The following B4GALT1 variants were observed in gnomAD, a reference collection of about 807,000 sequenced individuals.
B4GALT1 encodes beta-1,4-galactosyltransferase 1.
B4GALT1 carries 16 observed loss-of-function variants against 34.9 expected under a neutral mutation model. The observed-to-expected ratio is 0.46, with a 90% CI of 0.31 to 0.70. The LOEUF is 0.70. B4GALT1 is among the 30% of genes least tolerant of loss of function. The probability of loss-of-function intolerance (pLI) is 0.05; values close to 1 mark genes in which losing one functional copy is unlikely to be tolerated. For missense variants in B4GALT1, 445 were observed against 530.5 expected, an observed-to-expected ratio of 0.84 and a Z score of 1.58; for synonymous variants, 221 against 218.1, an observed-to-expected ratio of 1.01 and a Z score of -0.12.
intron 1 of B4GALT1, among the ~76,000 whole-genome samples, chr9:33,148,005 G>A (rs1393812496): frequency 6.6e-6 from 1 of 152,056 alleles, no homozygotes; most frequent in Non-Finnish European, 1.5e-5. Context: ...CTGCACTCCA[G>A]TCTGGGTGAC....
intron 1 of B4GALT1, among the ~76,000 whole-genome samples, chr9:33,157,120 C>CCACA (rs1554688656): frequency 3.2e-5 from 1 of 30,944 alleles, no homozygotes; most frequent in Non-Finnish European, 6.3e-5. Flanking sequence ...GCATAGGGAA[C>CCACA]TACACACACA....
At chr9:33,123,277 C>CAAAAAA (rs72342632) in intron 2 of B4GALT1, among the ~76,000 whole-genome samples, 1 of 85,708 alleles carries the variant, frequency 1.2e-5, no homozygotes, top group East Asian at 3.5e-4. Flanking sequence ...GACACTGTCT[C>CAAAAAA]AAAAAAAAAA....
At chr9:33,177,986 CTTTTT>C in the B4GALT1 span, among the ~76,000 whole-genome samples, 2 of 107,474 alleles carry the variant, frequency 1.9e-5, no homozygotes, top group Non-Finnish European at 1.8e-5. Context: ...AAACAGAAGA[CTTTTT>C]TTTTTTTTTT....
At chr9:33,118,589 G>A (rs1839974712) in intron 3 of B4GALT1, among the ~76,000 whole-genome samples, 1 of 151,898 alleles carries the variant, frequency 6.6e-6, no homozygotes. Context: ...AGGATCACTT[G>A]AGCCAGGGAG....
intron 1 of B4GALT1, among the ~76,000 whole-genome samples, chr9:33,139,012 G>A (rs151036289): frequency 1.7e-3 from 263 of 152,162 alleles, no homozygotes; most frequent in Non-Finnish European, 2.4e-3. Flanking sequence ...CCATGCCGGG[G>A]CTGTCCACAG....
intron 1 of B4GALT1, among the ~76,000 whole-genome samples, chr9:33,140,271 C>T (rs778140931): frequency 1.1e-4 from 16 of 152,268 alleles, no homozygotes; most frequent in Non-Finnish European, 2.1e-4. Context: ...TCGAAAGAAG[C>T]GTTGGCCTGA....
At chr9:33,114,807 A>G (rs1483936288) in intron 4 of B4GALT1, among the ~76,000 whole-genome samples, 1 of 152,018 alleles carries the variant, frequency 6.6e-6, no homozygotes, top group Non-Finnish European at 1.5e-5. Flanking sequence ...TGGTGCATAG[A>G]AAGTGTTAGG....
rs1478350455 is a variant in B4GALT1 at position 33,112,390 on chromosome 9, G to C, written c.*1064C>G. On this transcript the variant is annotated 3_prime_UTR_variant, in exon 6 of 6. Coordinates refer to ENST00000379731, the MANE Select transcript of B4GALT1 (RefSeq NM_001497.4). The stretch of plus-strand genomic sequence containing the variant: ...TAGGTGCAGAGGCTTCTGTCTCCCA[G>C]GTATCCTCCCCGAGGTCTGGCAGGA... The C allele has an allele frequency of 6.6e-6, 1 of 152,472 alleles. No individual in the cohort carries two copies. The highest frequency in any genetic ancestry group is 1.5e-5 in the Non-Finnish European group (1 of 68,046). The allele number at this position is 152,472 out of a possible 1,614,324, so 9.4% of individuals were successfully genotyped here.
chr9:33,113,458 C>T lies in B4GALT1; in HGVS notation c.1193G>A (p.Ser398Asn), dbSNP rs557408009. The T allele has an allele frequency of 6.2e-7, 1 of 1,614,204 alleles. No homozygotes were observed. Among genetic ancestry groups the T allele is most frequent in the Non-Finnish European group, 8.5e-7 (1 of 1,180,044 alleles). ...TCTTATCCGTGTACCAAAACGCTAG[C>T]TCGGTGTCCCGATGTCCACTGTGAT... ...TQITVDIGTPS is the reference protein window; with the variant it reads ...TQITVDIGTPN Residue 398 changes from serine to asparagine, a missense_variant, in exon 6 of 6, where the codon AGC becomes AAC. Ser to Asn is a conservative substitution (Grantham distance 46, BLOSUM62 1). This residue lies in a region of B4GALT1 where 89 missense variants were observed against 107.6 expected (regional missense o/e 0.83). Coordinates refer to ENST00000379731, the MANE Select transcript of B4GALT1 (RefSeq NM_001497.4).
At chr9:33,176,788 A>G in the B4GALT1 span, among the ~76,000 whole-genome samples, 6 of 152,146 alleles carry the variant, frequency 3.9e-5, no homozygotes, top group African/African-American at 1.4e-4. Flanking sequence ...AAACCTCAGC[A>G]TCATGCAATA....
intron 2 of B4GALT1, among the ~76,000 whole-genome samples, chr9:33,132,192 CT>C (rs2118138104): frequency 6.6e-6 from 1 of 150,848 alleles, no homozygotes; most frequent in South Asian, 2.1e-4. Flanking sequence ...AAAACCAAAA[CT>C]AAAATATTCC....
the B4GALT1 span, chr9:33,179,984 C>T: frequency 3.3e-5 from 5 of 152,264 alleles, no homozygotes; most frequent in East Asian, 5.8e-4. Flanking sequence ...TCCTTTTCCA[C>T]GTGATGGTCT....
At chr9:33,166,615 T>G in intron 1 of B4GALT1, 143 bp downstream of exon 1, 1 of 1,066,454 alleles carries the variant, frequency 9.4e-7, no homozygotes, top group Non-Finnish European at 1.3e-6. Context: ...GTCCCAAGCC[T>G]CTGTCTGGGA....
chr9:33,175,624 G>A, the B4GALT1 span, among the ~76,000 whole-genome samples: 1 of 152,118 alleles, frequency 6.6e-6, no homozygotes, highest in South Asian at 2.1e-4. Flanking sequence ...ATTTTACAGT[G>A]TATTATTACT....
At chr9:33,154,002 G>GGAGA (rs544104544) in intron 1 of B4GALT1, among the ~76,000 whole-genome samples, 4 of 126,972 alleles carry the variant, frequency 3.2e-5, no homozygotes, top group South Asian at 3.0e-4. Flanking sequence ...GGAGGGGAGG[G>GGAGA]GAGAGAGAGA....
intron 1 of B4GALT1, among the ~76,000 whole-genome samples, chr9:33,161,206 C>T (rs947235660): frequency 6.6e-6 from 1 of 152,142 alleles, no homozygotes; most frequent in Non-Finnish European, 1.5e-5. Flanking sequence ...AGGGAAGGGG[C>T]GGGCTGAGGC....
intron 1 of B4GALT1, among the ~76,000 whole-genome samples, chr9:33,159,478 C>A (rs1840644633): frequency 6.6e-6 from 1 of 152,184 alleles, no homozygotes; most frequent in Non-Finnish European, 1.5e-5. Flanking sequence ...AACTGCTCCT[C>A]AGAGAGAATT....
At chr9:33,175,013 ATATATAT>A in the B4GALT1 span, among the ~76,000 whole-genome samples, 17 of 82,244 alleles carry the variant, frequency 2.1e-4, 1 homozygote, top group East Asian at 1.6e-3. Flanking sequence ...ATATATATAT[ATATATAT>A]AAAATTGGAG....
At chr9:33,181,423 T>TACACACACACACACACACACAC in the B4GALT1 span, among the ~76,000 whole-genome samples, 95 of 137,144 alleles carry the variant, frequency 6.9e-4, 2 homozygotes, top group East Asian at 5.3e-3. Context: ...GACCCTGTCT[T>TACACACACACACACACACACAC]ACACACACAC....
Sources: allele counts gnomAD v4.1 joint callset (sites outside exome capture counted in the v4.1 genomes callset), GRCh38; gene constraint gnomAD v4.1.1; regional missense constraint gnomAD v4.1.1; transcripts MANE v1.5; gene names NCBI Gene and HGNC (gene_info 2026-07-23, HGNC 2026-07-21).